Variants in ERBB4 observed in about 807,000 individuals in gnomAD.
ERBB4 encodes the protein erb-b2 receptor tyrosine kinase 4, also known as receptor tyrosine-protein kinase erbB-4.
A neutral mutation model predicts 158.0 loss-of-function variants in ERBB4; 42 were observed. The ratio of observed to expected loss-of-function variants is 0.27; its 90% CI spans 0.21 to 0.34. The LOEUF (loss-of-function observed/expected upper bound fraction) is 0.34, where lower values mean the gene tolerates loss of function less well. ERBB4 is among the 10% of genes least tolerant of loss of function. The probability of loss-of-function intolerance (pLI) is 1.00; values close to 1 mark genes in which losing one functional copy is unlikely to be tolerated. For missense variants in ERBB4, 1,333 were observed against 1,624.1 expected, an observed-to-expected ratio of 0.82 and a Z score of 3.08; for synonymous variants, 583 against 558.7, an observed-to-expected ratio of 1.04 and a Z score of -0.61.
At chr2:212,063,917 G>A (rs1317786576) in intron 2 of ERBB4, among the ~76,000 whole-genome samples, 5 of 152,112 alleles carry the variant, frequency 3.3e-5, no homozygotes, top group Non-Finnish European at 7.4e-5. Flanking sequence ...GACCACTAAA[G>A]CTGGAGGTGA....
chr2:212,435,177 G>A (rs951552650), intron 1 of ERBB4, among the ~76,000 whole-genome samples: 21 of 152,096 alleles, frequency 1.4e-4, no homozygotes, highest in African/African-American at 5.1e-4. Context: ...AAAAGATGAC[G>A]TTGATATTCC....
intron 3 of ERBB4, among the ~76,000 whole-genome samples, chr2:211,790,326 A>T (rs574196499): frequency 1.3e-5 from 2 of 152,084 alleles, no homozygotes; most frequent in Non-Finnish European, 2.9e-5. Flanking sequence ...ACTTAAAAAA[A>T]AAAGTGAAAA....
chr2:211,664,327 ATGTGTG>A lies in ERBB4; in HGVS notation c.1871+990_1871+995del, dbSNP rs113835907. Among the ~76,000 whole-genome samples the A allele has an allele frequency of 7.7e-4, 114 of 148,938 alleles. 1 individual carries two copies. Among genetic ancestry groups the A allele is most frequent in the African/African-American group, 2.4e-3 (99 of 40,672 alleles). On this transcript the variant is annotated intron_variant, in intron 15 of 27. Transcript: ENST00000342788. Reference sequence around the variant, plus strand: ...TACCCAAGCTGATTCTCAACTACAAATGTGTGTGTGTGTGTGTGTGTGTGTGTGTCT... The same window carrying A: ...TACCCAAGCTGATTCTCAACTACAAATGTGTGTGTGTGTGTGTGTGTGTCT...
At chr2:211,707,792 G>A (rs2073504912) in intron 9 of ERBB4, among the ~76,000 whole-genome samples, 1 of 152,050 alleles carries the variant, frequency 6.6e-6, no homozygotes, top group Non-Finnish European at 1.5e-5. Context: ...AACTAAACAT[G>A]CCAATTAACT....
chr2:212,496,716 T>A (rs1232746426), intron 1 of ERBB4, among the ~76,000 whole-genome samples: 1 of 152,138 alleles, frequency 6.6e-6, no homozygotes, highest in Non-Finnish European at 1.5e-5. Flanking sequence ...TCTCCGTGAG[T>A]CGTCAAGAGT....
chr2:212,202,499 C>T (rs1047913589), intron 1 of ERBB4, among the ~76,000 whole-genome samples: 2 of 152,148 alleles, frequency 1.3e-5, no homozygotes, highest in East Asian at 3.9e-4. Context: ...CAGGCATGAG[C>T]CACCATGTCT....
In ERBB4 at chr2:212,289,286, G is replaced by C. The variant is rs189324894; in HGVS notation, c.83-164383C>G. On this transcript the variant is annotated intron_variant, in intron 1 of 27. Transcript: ENST00000342788. The stretch of plus-strand genomic sequence containing the variant: ...TACTCATACAATAGTCTGGTAACTG[G>C]TATTCTTTTTAAGCAGAGAACTCCT... Among the ~76,000 whole-genome samples, 36 of 152,046 alleles carry C rather than the reference G, an allele frequency of 2.4e-4. 1 individual carries two copies. In the East Asian group the frequency reaches 4.3e-3, roughly 18 times the overall value.
intron 1 of ERBB4, among the ~76,000 whole-genome samples, chr2:212,199,998 A>G (rs1003372643): frequency 2.0e-5 from 3 of 152,204 alleles, no homozygotes; most frequent in African/African-American, 7.2e-5. Context: ...ACTAGAACTG[A>G]AGAATTTTTA....
chr2:211,477,819 T>A (rs1205379864), intron 20 of ERBB4, among the ~76,000 whole-genome samples: 1 of 152,166 alleles, frequency 6.6e-6, no homozygotes, highest in Non-Finnish European at 1.5e-5. Flanking sequence ...ACAGTTCTCT[T>A]TGCCTTTGTG....
At chr2:212,090,749 T>C (rs2078749924) in intron 2 of ERBB4, among the ~76,000 whole-genome samples, 1 of 152,052 alleles carries the variant, frequency 6.6e-6, no homozygotes. Context: ...GCCCCATGAA[T>C]GTACAATGCC....
At chr2:212,172,281 G>A (rs576744243) in intron 1 of ERBB4, among the ~76,000 whole-genome samples, 1 of 121,528 alleles carries the variant, frequency 8.2e-6, no homozygotes, top group Non-Finnish European at 1.8e-5. Context: ...TGCCAAGGTT[G>A]TGGAGAAAAA....
chr2:212,472,611 G>A (rs189062345), intron 1 of ERBB4, among the ~76,000 whole-genome samples: 5 of 151,294 alleles, frequency 3.3e-5, no homozygotes, highest in East Asian at 1.9e-4. Flanking sequence ...TGGAAAGAGC[G>A]GTACTTCTCA....
intron 3 of ERBB4, among the ~76,000 whole-genome samples, chr2:211,839,108 T>C (rs868055553): frequency 5.6e-4 from 71 of 126,812 alleles, no homozygotes; most frequent in Non-Finnish European, 8.9e-4. Flanking sequence ...AGCAAAATAT[T>C]GAAAGAAATA....
At chr2:212,182,357 T>C (rs2081894966) in intron 1 of ERBB4, among the ~76,000 whole-genome samples, 2 of 151,868 alleles carry the variant, frequency 1.3e-5, no homozygotes, top group African/African-American at 4.8e-5. Flanking sequence ...TGACAGTTTT[T>C]TTGATCCATC....
intron 19 of ERBB4, among the ~76,000 whole-genome samples, chr2:211,562,569 C>T (rs554782643): frequency 6.6e-6 from 1 of 151,850 alleles, no homozygotes; most frequent in Non-Finnish European, 1.5e-5. Context: ...ATGTATAAAT[C>T]GTAAATATGG....
intron 1 of ERBB4, among the ~76,000 whole-genome samples, chr2:212,530,327 C>A (rs561157145): frequency 1.3e-5 from 2 of 152,164 alleles, no homozygotes; most frequent in African/African-American, 4.8e-5. Context: ...AAAAGGAATT[C>A]CTGAAAATGA....
intron 21 of ERBB4, among the ~76,000 whole-genome samples, chr2:211,429,398 T>C (rs543720287): frequency 6.6e-6 from 1 of 152,238 alleles, no homozygotes; most frequent in East Asian, 1.9e-4. Context: ...CTCATCTTGG[T>C]TAGCCAGTAT....
intron 3 of ERBB4, among the ~76,000 whole-genome samples, chr2:211,865,404 T>C (rs969404361): frequency 3.9e-5 from 6 of 152,200 alleles, no homozygotes; most frequent in African/African-American, 1.4e-4. Context: ...TAGGCCTAAA[T>C]GGATGTAGTC....
chr2:212,059,007 G>A (rs184745098), intron 2 of ERBB4, among the ~76,000 whole-genome samples: 1 of 152,274 alleles, frequency 6.6e-6, no homozygotes. Flanking sequence ...AATTGTCCCT[G>A]TTTGCAGATG....
Sources: gnomAD v4.1 joint callset for allele counts (sites outside exome capture counted in the v4.1 genomes callset) on GRCh38, gnomAD v4.1.1 for gene constraint, MANE v1.5 for transcripts, NCBI Gene and HGNC (gene_info 2026-07-23, HGNC 2026-07-21) for gene names.